UBAC2: variants seen among roughly 807,000 people sequenced by gnomAD.
UBAC2 encodes the protein UBA domain containing 2.
UBAC2 carries 26 observed loss-of-function variants against 44.0 expected under a neutral mutation model. The observed-to-expected ratio is 0.59, with a 90% CI of 0.43 to 0.82. UBAC2 has a LOEUF of 0.82. Ranked by LOEUF, UBAC2 falls within the 40% of genes least tolerant of loss-of-function variation. The pLI is 0.00. For synonymous variants in UBAC2, 155 were observed against 154.3 expected, an observed-to-expected ratio of 1.00 and a Z score of -0.04; for missense variants, 329 against 419.4, an observed-to-expected ratio of 0.78 and a Z score of 1.88.
chr13:99,293,660 A>G (rs556334742), intron 4 of UBAC2, among the ~76,000 whole-genome samples: 9 of 152,308 alleles, frequency 5.9e-5, no homozygotes, highest in African/African-American at 1.9e-4. Context: ...TATTTTTGAC[A>G]ATGGCTTTAA....
chr13:99,202,991 C>T (rs1027415478), intron 1 of UBAC2, among the ~76,000 whole-genome samples: 8 of 151,704 alleles, frequency 5.3e-5, no homozygotes, highest in African/African-American at 1.9e-4. Flanking sequence ...GAGAAGCTAC[C>T]CACTGAGGGA....
intron 1 of UBAC2, among the ~76,000 whole-genome samples, chr13:99,209,735 A>T (rs1025787312): frequency 9.9e-5 from 15 of 152,206 alleles, no homozygotes; most frequent in African/African-American, 3.6e-4. Flanking sequence ...GCACTTTGGG[A>T]GGCCAAGGCG....
intron 1 of UBAC2, among the ~76,000 whole-genome samples, chr13:99,221,305 A>G (rs147115820): frequency 5.7e-4 from 87 of 152,278 alleles, no homozygotes; most frequent in African/African-American, 1.3e-3. Context: ...TTCGTTCACA[A>G]TTACATTTAC....
intron 4 of UBAC2, among the ~76,000 whole-genome samples, chr13:99,250,892 G>A (rs936212917): frequency 2.0e-5 from 3 of 151,790 alleles, no homozygotes; most frequent in Admixed American, 6.6e-5. Flanking sequence ...GATTACAGGC[G>A]CCCACCACCA....
chr13:99,385,599 T>A lies in UBAC2; in HGVS notation c.*264T>A. On this transcript the variant is annotated 3_prime_UTR_variant, in exon 9 of 9. Coordinates refer to ENST00000403766, the MANE Select transcript of UBAC2 (RefSeq NM_001144072.2). ...TTGGAGAGTCAGCACTCGTTTTGAA[T>A]GTGTTTAAAATGCATTAAAATGGAA... 1 of 449,612 alleles carries A rather than the reference T, an allele frequency of 2.2e-6. No homozygotes were observed. Among genetic ancestry groups the A allele is most frequent in the Non-Finnish European group, 4.1e-6 (1 of 246,256 alleles). The allele number at this position is 449,612 out of a possible 1,614,324, so 27.9% of individuals were successfully genotyped here.
chr13:99,311,064 C>T (rs1350772994), intron 4 of UBAC2, among the ~76,000 whole-genome samples: 1 of 152,182 alleles, frequency 6.6e-6, no homozygotes, highest in Non-Finnish European at 1.5e-5. Flanking sequence ...TATGGTTTTA[C>T]TGTTTTAAAG....
At chr13:99,316,512 C>T (rs570944866) in intron 5 of UBAC2, among the ~76,000 whole-genome samples, 17 of 152,158 alleles carry the variant, frequency 1.1e-4, no homozygotes, top group Admixed American at 2.0e-4. Flanking sequence ...CTTGAGAGCC[C>T]ATAACATCAT....
intron 8 of UBAC2, chr13:99,372,419 C>A: frequency 6.5e-6 from 1 of 154,732 alleles, no homozygotes; most frequent in Non-Finnish European, 1.4e-5. Flanking sequence ...CTAAGGGAGG[C>A]AAGGAGAAGG....
At chr13:99,345,741 C>CTTTTTTTT (rs766632532) in intron 7 of UBAC2, among the ~76,000 whole-genome samples, 1 of 130,932 alleles carries the variant, frequency 7.6e-6, no homozygotes, top group Non-Finnish European at 1.7e-5. Flanking sequence ...TTTTTTCTTT[C>CTTTTTTTT]TTTTTTTTTT....
chr13:99,269,289 A>T (rs1189189400), intron 4 of UBAC2, among the ~76,000 whole-genome samples: 1 of 152,162 alleles, frequency 6.6e-6, no homozygotes, highest in Non-Finnish European at 1.5e-5. Context: ...TTATTGTGAG[A>T]TTCATAAGTA....
chr13:99,244,384 T>C (rs564820531), intron 3 of UBAC2, 131 bp from the exon 4 acceptor site: 45 of 591,264 alleles, frequency 7.6e-5, no homozygotes, highest in South Asian at 1.9e-4. Context: ...TATACACACA[T>C]ATGCATGTGT....
chr13:99,208,191 T>A (rs2042897032), intron 1 of UBAC2, among the ~76,000 whole-genome samples: 1 of 152,112 alleles, frequency 6.6e-6, no homozygotes, highest in South Asian at 2.1e-4. Flanking sequence ...GAGACGGGGT[T>A]TCTCCATGTT....
At chr13:99,207,993 CTTTTTT>C (rs369860759) in intron 1 of UBAC2, among the ~76,000 whole-genome samples, 4 of 109,512 alleles carry the variant, frequency 3.7e-5, no homozygotes, top group Non-Finnish European at 7.1e-5. Context: ...CTCATCGTCT[CTTTTTT>C]TTTTTTTTTT....
intron 1 of UBAC2, among the ~76,000 whole-genome samples, chr13:99,230,519 G>C (rs1316184628): frequency 6.6e-6 from 1 of 152,100 alleles, no homozygotes; most frequent in Non-Finnish European, 1.5e-5. Context: ...CTACAGTTTG[G>C]AGGCCAGAAG....
At chr13:99,385,104 G>T in intron 8 of UBAC2, 124 bp from the exon 9 acceptor site, 1 of 685,910 alleles carries the variant, frequency 1.5e-6, no homozygotes, top group East Asian at 2.7e-5. Flanking sequence ...ATATTGAAAT[G>T]AAAATTGGTT....
At chr13:99,216,561 G>A (rs2042998010) in intron 1 of UBAC2, among the ~76,000 whole-genome samples, 1 of 152,186 alleles carries the variant, frequency 6.6e-6, no homozygotes, top group South Asian at 2.1e-4. Flanking sequence ...GGCAGAAACT[G>A]GTGCTGTAGT....
Position 99,295,638 on chromosome 13 carries a change from G to C in UBAC2, c.390-18459G>C, listed in dbSNP as rs752311419. On this transcript the variant is annotated intron_variant, in intron 4 of 8. Coordinates refer to ENST00000403766, the MANE Select transcript of UBAC2 (RefSeq NM_001144072.2). This position sits in a 1 kb window ranked among gnomAD's most constrained non-coding sequence, Gnocchi z 4.1. ...CTTTCAGCCTCCTGCTTTGACATAG[G>C]GTTGATGAGGAGTGGGAGTGTCTGA... is the stretch of plus-strand genomic sequence containing the variant. 2 of 1,614,152 alleles carry C rather than the reference G, an allele frequency of 1.2e-6. No individual in the cohort carries two copies. Among genetic ancestry groups the C allele is most frequent in the Middle Eastern group, 1.6e-4 (1 of 6,062 alleles).
At chr13:99,305,492 T>C (rs2044320201) in intron 4 of UBAC2, among the ~76,000 whole-genome samples, 1 of 152,230 alleles carries the variant, frequency 6.6e-6, no homozygotes. Context: ...GTAAGCTTCT[T>C]GAGGATGATG....
At chr13:99,354,855 A>G (rs1007361010) in intron 7 of UBAC2, among the ~76,000 whole-genome samples, 8 of 152,244 alleles carry the variant, frequency 5.3e-5, no homozygotes, top group Non-Finnish European at 1.2e-4. Flanking sequence ...AGTTGTTGGC[A>G]TAATCTCGGA....
Sources: allele counts gnomAD v4.1 joint callset (sites outside exome capture counted in the v4.1 genomes callset), GRCh38; gene constraint gnomAD v4.1.1; non-coding constraint Gnocchi (gnomAD v3.1); transcripts MANE v1.5; gene names NCBI Gene and HGNC (gene_info 2026-07-23, HGNC 2026-07-21).